MAD1L1: variants seen among roughly 807,000 people sequenced by gnomAD.
The protein encoded by MAD1L1 is mitotic spindle assembly checkpoint protein MAD1.
MAD1L1 carries 95 observed loss-of-function variants against 96.9 expected under a neutral mutation model. That is an observed-to-expected ratio of 0.98 (90% CI 0.83 to 1.16). The LOEUF (loss-of-function observed/expected upper bound fraction) is 1.16. Ranked by LOEUF, MAD1L1 falls within the 50% of genes most tolerant of loss-of-function variation. The pLI, the probability that MAD1L1 is intolerant of heterozygous loss-of-function variation, is 0.00. For missense variants in MAD1L1, 1,007 were observed against 954.4 expected (o/e 1.06, Z -0.73); for synonymous variants, 473 against 396.6 (o/e 1.19, Z -2.29).
chr7:2,145,164 C>T (rs1789233646), intron 11 of MAD1L1, among the ~76,000 whole-genome samples: 1 of 152,222 alleles, frequency 6.6e-6, no homozygotes, highest in African/African-American at 2.4e-5. Flanking sequence ...CACCACGTCC[C>T]GGGGACTGCC....
chr7:2,067,459 C>T (rs1784928399), intron 12 of MAD1L1, among the ~76,000 whole-genome samples: 1 of 152,270 alleles, frequency 6.6e-6, no homozygotes. Context: ...GACCACAGCA[C>T]GTCATCACGC....
chr7:2,079,909 C>G (rs905767539), intron 11 of MAD1L1: 35 of 376,328 alleles, frequency 9.3e-5, no homozygotes, highest in Admixed American at 2.6e-4. Context: ...AGAGAAGCCA[C>G]AGAAGATAAT....
chr7:2,042,514 T>A (rs1293851239), intron 12 of MAD1L1, among the ~76,000 whole-genome samples: 1 of 152,186 alleles, frequency 6.6e-6, no homozygotes, highest in Non-Finnish European at 1.5e-5. Context: ...TACTTGGCGA[T>A]ATGGTTTGGA....
At chr7:2,208,569 C>T (rs966162591) in intron 10 of MAD1L1, among the ~76,000 whole-genome samples, 1 of 152,178 alleles carries the variant, frequency 6.6e-6, no homozygotes, top group Non-Finnish European at 1.5e-5. Context: ...CTCTTCTCTT[C>T]CTAGCTTGCT....
intron 13 of MAD1L1, among the ~76,000 whole-genome samples, chr7:2,009,142 T>C (rs1782175216): frequency 6.6e-6 from 1 of 152,144 alleles, no homozygotes; most frequent in South Asian, 2.1e-4. Context: ...CTACGTGTGC[T>C]GAGACACGAG....
At chr7:2,024,606 T>C (rs1462804499) in intron 12 of MAD1L1, among the ~76,000 whole-genome samples, 1 of 152,192 alleles carries the variant, frequency 6.6e-6, no homozygotes, top group Non-Finnish European at 1.5e-5. Flanking sequence ...GCCCCCTCTG[T>C]AGGCAAGTTC....
At chr7:1,847,267 G>C (rs1250484240) in intron 18 of MAD1L1, 2 of 470,846 alleles carry the variant, frequency 4.2e-6, no homozygotes, top group African/African-American at 2.0e-5. Flanking sequence ...GTTTTCTTTC[G>C]GGACACAACC....
intron 14 of MAD1L1, among the ~76,000 whole-genome samples, chr7:1,995,505 G>A (rs1367999894): frequency 6.6e-6 from 1 of 152,198 alleles, no homozygotes; most frequent in African/African-American, 2.4e-5. Context: ...GTGGCTGAGG[G>A]AAGGGACCAG....
intron 14 of MAD1L1, among the ~76,000 whole-genome samples, chr7:1,984,374 C>G (rs1374162302): frequency 6.6e-6 from 1 of 152,202 alleles, no homozygotes; most frequent in African/African-American, 2.4e-5. Flanking sequence ...TTTCTATGCA[C>G]TCCTTTTAAC....
intron 2 of MAD1L1, 128 bp downstream of exon 2, chr7:2,230,421 G>A: frequency 2.9e-6 from 1 of 348,732 alleles, no homozygotes; most frequent in Non-Finnish European, 5.5e-6. Flanking sequence ...TGGCGCCCGG[G>A]AGGCGGGGCT....
At chr7:1,999,474 G>A (rs73043509) in intron 14 of MAD1L1, among the ~76,000 whole-genome samples, 5,661 of 152,218 alleles carry the variant, frequency 0.037, 201 homozygotes, top group Admixed American at 0.1. Context: ...TGTGTCTGCT[G>A]GGAAGCACCT....
chr7:1,825,046 C>A (rs1345822403), intron 18 of MAD1L1, among the ~76,000 whole-genome samples: 1 of 152,140 alleles, frequency 6.6e-6, no homozygotes, highest in African/African-American at 2.4e-5. Flanking sequence ...AGTGCTGGGA[C>A]GGAAAGTGAC....
At chr7:2,042,145 A>C (rs540464088) in intron 12 of MAD1L1, among the ~76,000 whole-genome samples, 2 of 151,008 alleles carry the variant, frequency 1.3e-5, no homozygotes, top group Non-Finnish European at 2.9e-5. Flanking sequence ...ACGGACATGC[A>C]GACATGCACA....
At chr7:1,909,891 C>A (rs935107787) in intron 17 of MAD1L1, among the ~76,000 whole-genome samples, 2 of 152,162 alleles carry the variant, frequency 1.3e-5, no homozygotes, top group African/African-American at 4.8e-5. Flanking sequence ...AGACACTCGC[C>A]CTGGAATTAC....
At chr7:2,018,974 C>G (rs1198304655) in intron 12 of MAD1L1, among the ~76,000 whole-genome samples, 1 of 152,182 alleles carries the variant, frequency 6.6e-6, no homozygotes, top group Non-Finnish European at 1.5e-5. Context: ...ACAACTTCTC[C>G]TTTTTTTAGA....
chr7:2,109,292 G>A (rs1232549876), intron 11 of MAD1L1, among the ~76,000 whole-genome samples: 1 of 152,204 alleles, frequency 6.6e-6, no homozygotes, highest in Non-Finnish European at 1.5e-5. Flanking sequence ...GCCTTAAGCA[G>A]CCCATGAGAG....
At chr7:1,997,325 G>A (rs1253796374) in intron 14 of MAD1L1, among the ~76,000 whole-genome samples, 1 of 152,260 alleles carries the variant, frequency 6.6e-6, no homozygotes, top group African/African-American at 2.4e-5. Flanking sequence ...GACAGAAGGC[G>A]TGAGTGACAC....
intron 3 of MAD1L1, among the ~76,000 whole-genome samples, chr7:2,228,458 G>C (rs1345479823): frequency 6.6e-6 from 1 of 151,854 alleles, no homozygotes; most frequent in African/African-American, 2.4e-5. Flanking sequence ...TTACCATGTT[G>C]GTCAGGCTGG....
chr7:1,901,375 G>A (rs915248387), intron 17 of MAD1L1, among the ~76,000 whole-genome samples: 1 of 152,202 alleles, frequency 6.6e-6, no homozygotes, highest in Non-Finnish European at 1.5e-5. Context: ...TCTGGACTGG[G>A]TTCTATGGGC....
Sources: allele counts gnomAD v4.1 joint callset (sites outside exome capture counted in the v4.1 genomes callset), GRCh38; gene constraint gnomAD v4.1.1; transcripts MANE v1.5; gene names NCBI Gene and HGNC (gene_info 2026-07-23, HGNC 2026-07-21).